The following GPR83 variants were observed in gnomAD, a reference collection of about 807,000 sequenced individuals.
GPR83 encodes G-protein coupled receptor 72.
In GPR83, 23 loss-of-function variants were observed where a neutral mutation model predicts 28.0. The ratio of observed to expected loss-of-function variants is 0.82; its 90% CI spans 0.59 to 1.16. The LOEUF (loss-of-function observed/expected upper bound fraction) is 1.16. Ranked by LOEUF, GPR83 falls within the 50% of genes most tolerant of loss-of-function variation. The probability of loss-of-function intolerance (pLI) is 0.00; values close to 1 mark genes in which losing one functional copy is unlikely to be tolerated. For synonymous variants in GPR83, 234 were observed against 215.4 expected (o/e 1.09, Z -0.76); for missense variants, 610 against 536.6 (o/e 1.14, Z -1.35).
intron 2 of GPR83, among the ~76,000 whole-genome samples, chr11:94,394,428 A>C (rs976689828): frequency 6.6e-6 from 1 of 152,220 alleles, no homozygotes; most frequent in Non-Finnish European, 1.5e-5. Context: ...TTGCTACTGT[A>C]TATCAATCAA....
At chr11:94,385,789 G>C (rs1237905229) in intron 3 of GPR83, among the ~76,000 whole-genome samples, 14 of 152,216 alleles carry the variant, frequency 9.2e-5, no homozygotes, top group Admixed American at 9.2e-4. Context: ...ATATTATCCA[G>C]GAGAAATTCC....
intron 3 of GPR83, among the ~76,000 whole-genome samples, chr11:94,389,056 A>T (rs1944788331): frequency 6.6e-6 from 1 of 152,208 alleles, no homozygotes. Context: ...CAAACCTGAC[A>T]AAAACAAGAA....
At position 94,380,466 on chromosome 11, in the gene GPR83, C is replaced by T. The variant is rs760117363; in HGVS notation, c.955G>A (p.Val319Ile). 6.2e-6 allele frequency: 10 copies of T among 1,614,170 alleles called. No individual in the cohort carries two copies. The Admixed American group carries it at 1.5e-4, about 24-fold the overall frequency. Residue 319 changes from valine (V) to isoleucine (I), a missense_variant, in exon 4 of 4, where the codon GTC becomes ATC. Physicochemically the swap from Val to Ile is conservative, Grantham distance 29 (BLOSUM62 3). Transcript: ENST00000243673. ...NCYVLLLSSKVIRTNNALYFA... is the reference protein window; with the variant it reads ...NCYVLLLSSKIIRTNNALYFA... ...TAGAGGGCATTGTTGGTGCGGATGA[C>T]CTTGCTGGACAGGAGGAGGACGTAG...
At chr11:94,396,357 C>G (rs371870770) in intron 2 of GPR83, 42 bp downstream of exon 2, 2 of 1,592,578 alleles carry the variant, frequency 1.3e-6, no homozygotes, top group African/African-American at 2.7e-5. Context: ...GAAAGGGAAG[C>G]AAGAGAGGGA....
chr11:94,398,684 A>T (rs919073212), intron 1 of GPR83, among the ~76,000 whole-genome samples: 10 of 152,202 alleles, frequency 6.6e-5, no homozygotes, highest in Non-Finnish European at 1.0e-4. Flanking sequence ...CTTCATGCTG[A>T]CTGCAGTAGA....
chr11:94,381,595 T>TG (rs1944690473), intron 3 of GPR83, among the ~76,000 whole-genome samples: 1 of 99,652 alleles, frequency 1.0e-5, no homozygotes, highest in Non-Finnish European at 2.3e-5. Flanking sequence ...GTGCTGCAGG[T>TG]GGGGTGGCAC....
At chr11:94,389,549 G>C (rs940579592) in intron 3 of GPR83, among the ~76,000 whole-genome samples, 4 of 152,192 alleles carry the variant, frequency 2.6e-5, no homozygotes, top group African/African-American at 9.7e-5. Flanking sequence ...CATTTATGCA[G>C]CCAACAGACA....
chr11:94,381,467 T>C (rs1944688118), intron 3 of GPR83, among the ~76,000 whole-genome samples: 1 of 152,066 alleles, frequency 6.6e-6, no homozygotes, highest in Admixed American at 6.6e-5. Flanking sequence ...TTCAATGTCC[T>C]AGAATTCCTG....
At chr11:94,400,074 G>GA (rs1251292593) in intron 1 of GPR83, among the ~76,000 whole-genome samples, 1 of 152,162 alleles carries the variant, frequency 6.6e-6, no homozygotes, top group Non-Finnish European at 1.5e-5. Flanking sequence ...AGTGGTCTGG[G>GA]AAAATGCACT....
intron 3 of GPR83, among the ~76,000 whole-genome samples, chr11:94,386,455 T>C (rs1944756929): frequency 1.3e-5 from 2 of 152,030 alleles, no homozygotes; most frequent in African/African-American, 4.8e-5. Context: ...AGGAAACCCA[T>C]CTCATGTGCA....
intron 2 of GPR83, among the ~76,000 whole-genome samples, chr11:94,394,928 G>A (rs757186480): frequency 2.5e-4 from 38 of 152,190 alleles, no homozygotes; most frequent in Non-Finnish European, 7.3e-5. Flanking sequence ...GCTCAGTTGC[G>A]TTAATCTGGG....
chr11:94,396,381 A>C lies in GPR83; in HGVS notation c.513+18T>G. 6.2e-7 allele frequency: 1 copy of C among 1,612,080 alleles called. No individual in the cohort carries two copies. The highest frequency in any genetic ancestry group is 8.5e-7 in the Non-Finnish European group (1 of 1,178,690). On this transcript the variant is annotated intron_variant, in intron 2 of 3. Transcript: ENST00000243673. The stretch of plus-strand genomic sequence containing the variant: ...GCAAGAGAGGGAAGAGCAGAGCATT[A>C]GGGGTAGGTGCCCTCACCTGGTGGC...
At chr11:94,382,543 G>A (rs1944703976) in intron 3 of GPR83, among the ~76,000 whole-genome samples, 1 of 152,054 alleles carries the variant, frequency 6.6e-6, no homozygotes, top group Non-Finnish European at 1.5e-5. Flanking sequence ...TAAGTTCTCA[G>A]AGACCTACAA....
At chr11:94,385,850 C>T (rs565588899) in intron 3 of GPR83, among the ~76,000 whole-genome samples, 1 of 152,196 alleles carries the variant, frequency 6.6e-6, no homozygotes, top group South Asian at 2.1e-4. Flanking sequence ...ACAGAGAATG[C>T]CACAAAAGTA....
At chr11:94,384,497 G>A (rs943596923) in intron 3 of GPR83, among the ~76,000 whole-genome samples, 2 of 152,202 alleles carry the variant, frequency 1.3e-5, no homozygotes, top group Non-Finnish European at 2.9e-5. Context: ...GTGGGTGCAG[G>A]ACAGTGGGTG....
chr11:94,400,546 C>CA (rs34496676), intron 1 of GPR83, among the ~76,000 whole-genome samples: 4,973 of 117,198 alleles, frequency 0.042, 248 homozygotes, highest in African/African-American at 0.11. Flanking sequence ...GGCTGAAAGA[C>CA]AAAAAAAAAA....
chr11:94,388,728 T>C (rs1250162525), intron 3 of GPR83, among the ~76,000 whole-genome samples: 1 of 152,116 alleles, frequency 6.6e-6, no homozygotes, highest in East Asian at 1.9e-4. Flanking sequence ...GAATCAGTAT[T>C]GTGAAAATGG....
At chr11:94,394,505 T>C (rs1944847222) in intron 2 of GPR83, among the ~76,000 whole-genome samples, 1 of 152,168 alleles carries the variant, frequency 6.6e-6, no homozygotes, top group African/African-American at 2.4e-5. Context: ...ATGAGAAACA[T>C]TATTTTTTGA....
chr11:94,399,517 C>G (rs1454799091), intron 1 of GPR83, among the ~76,000 whole-genome samples: 1 of 152,188 alleles, frequency 6.6e-6, no homozygotes, highest in Non-Finnish European at 1.5e-5. Context: ...TCTCTGTGCC[C>G]TAGTTTTCTC....
Sources: gnomAD v4.1 joint callset for allele counts (sites outside exome capture counted in the v4.1 genomes callset) on GRCh38, gnomAD v4.1.1 for gene constraint, MANE v1.5 for transcripts, NCBI Gene and HGNC (gene_info 2026-07-23, HGNC 2026-07-21) for gene names.